ADNP2: variants seen among roughly 807,000 people sequenced by gnomAD.
ADNP2 encodes the protein ADNP homeobox 2, also known as activity-dependent neuroprotector homeobox protein 2.
ADNP2 carries 8 observed loss-of-function variants against 16.4 expected under a neutral mutation model. The ratio of observed to expected loss-of-function variants is 0.49; its 90% CI spans 0.29 to 0.88. The LOEUF (loss-of-function observed/expected upper bound fraction) is 0.88, where lower values mean the gene tolerates loss of function less well. Ranked by LOEUF, ADNP2 falls within the 40% of genes least tolerant of loss-of-function variation. The pLI, the probability that ADNP2 is intolerant of heterozygous loss-of-function variation, is 0.09. For missense variants in ADNP2, 1,397 were observed against 1,395.1 expected, an observed-to-expected ratio of 1.00 and a Z score of -0.02; for synonymous variants, 637 against 545.8, an observed-to-expected ratio of 1.17 and a Z score of -2.33.
chr18:80,135,580 A>G (rs369324351), intron 3 of ADNP2, 32 bp from the exon 4 acceptor site: 96 of 1,572,098 alleles, frequency 6.1e-5, no homozygotes, highest in Admixed American at 2.9e-4. Flanking sequence ...AGTTTATTCA[A>G]TTATGCTTAA....
rs768141262 is a variant in ADNP2 at position 80,138,557 on chromosome 18, C to T, written c.3144C>T (p.Gly1048=). Residue 1048 remains glycine (G), a synonymous_variant, in exon 4 of 4, where the codon GGC becomes GGT. Transcript: ENST00000262198. ...CATTAGATCCTAAAAAATATGAAGGCCGTTCTTATGAAGAAAAGAAGCAAT... is the reference window on the plus strand; with the variant it reads ...CATTAGATCCTAAAAAATATGAAGGTCGTTCTTATGAAGAAAAGAAGCAAT... The part of the protein sequence containing the change: ...ILALDPKKYE[G]RSYEEKKQFL... 1.9e-6 allele frequency: 3 copies of T among 1,611,650 alleles called. No homozygotes were observed. Among genetic ancestry groups the T allele is most frequent in the South Asian group, 1.1e-5 (1 of 90,266 alleles).
chr18:80,138,044 C>G lies in ADNP2; in HGVS notation c.2631C>G (p.Cys877Trp). The part of the protein sequence containing the change: ...PGSTGKRVST[C>W]PFCFGPFVTT... The stretch of plus-strand genomic sequence containing the variant: ...GCACCGGCAAGCGAGTGTCCACCTG[C>G]CCCTTTTGCTTTGGCCCCTTTGTGA... The change falls in exon 4 of 4, where the codon TGC becomes TGG. Residue 877 changes from cysteine (C) to tryptophan (W), a missense_variant. Physicochemically the swap from Cys to Trp is radical, Grantham distance 215. This residue lies in a region of ADNP2 where 611 missense variants were observed against 648.7 expected (regional missense o/e 0.94). Transcript: ENST00000262198. The G allele has an allele frequency of 6.2e-7, 1 of 1,613,794 alleles. No homozygotes were observed. The highest frequency in any genetic ancestry group is 8.5e-7 in the Non-Finnish European group (1 of 1,180,018).
intron 2 of ADNP2, among the ~76,000 whole-genome samples, chr18:80,132,601 CTCTTTCTCTTTCTCTTTCT>C (rs1214567611): frequency 6.6e-6 from 1 of 151,472 alleles, no homozygotes; most frequent in Non-Finnish European, 1.5e-5. Flanking sequence ...CCTCTCTTTT[CTCTTTCTCTTTCTCTTTCT>C]TTTTTCTCTT....
Position 80,136,195 on chromosome 18 carries a change from T to G in ADNP2, c.782T>G (p.Leu261Trp). The G allele has an allele frequency of 6.2e-7, 1 of 1,614,276 alleles. No individual in the cohort carries two copies. Among genetic ancestry groups the G allele is most frequent in the Non-Finnish European group, 8.5e-7 (1 of 1,180,048 alleles). Residue 261 changes from leucine (L) to tryptophan (W), a missense_variant, in exon 4 of 4, where the codon TTG becomes TGG. Physicochemically the swap from Leu to Trp is moderately conservative, Grantham distance 61. Transcript: ENST00000262198. ...ISEHIKRTGL[L>W]KQTHIAPKPA... The stretch of plus-strand genomic sequence containing the variant: ...GAACATATTAAGAGGACTGGACTCT[T>G]GAAGCAAACGCACATTGCTCCAAAA...
Position 80,136,853 on chromosome 18 carries a change from G to C in ADNP2, c.1440G>C (p.Gln480His), listed in dbSNP as rs773839413. ...TATSGVLPTG[Q>H]MVQSGVLPVG... ...CTTCTGGGGTTCTTCCTACTGGCCA[G>C]ATGGTCCAGTCAGGAGTTCTCCCTG... Residue 480 changes from glutamine to histidine, a missense_variant, in exon 4 of 4, where the codon CAG becomes CAC. Physicochemically the swap from Gln to His is conservative, Grantham distance 24. This residue lies in a region of ADNP2 where 777 missense variants were observed against 719.4 expected (regional missense o/e 1.08). Coordinates refer to ENST00000262198, the MANE Select transcript of ADNP2 (RefSeq NM_014913.4). The C allele has an allele frequency of 8.7e-6, 14 of 1,614,140 alleles. No homozygotes were observed. In the South Asian group the frequency reaches 1.5e-4, roughly 18 times the overall value.
At position 80,137,334 on chromosome 18, in the gene ADNP2, A is replaced by G. The variant is rs1175442264; in HGVS notation, c.1921A>G (p.Ile641Val). Residue 641 changes from isoleucine to valine, a missense_variant, in exon 4 of 4, where the codon ATC becomes GTC. Ile to Val is a conservative substitution (Grantham distance 29). Transcript: ENST00000262198. This position sits in a 1 kb window ranked among gnomAD's most constrained non-coding sequence, Gnocchi z 4.2. ...LATVAPPQMP[I>V]QLLPSGAAAP... ...GACTGTCGCTCCGCCCCAGATGCCCATCCAGCTCCTGCCGTCAGGTGCAGC... is the reference window on the plus strand; with the variant it reads ...GACTGTCGCTCCGCCCCAGATGCCCGTCCAGCTCCTGCCGTCAGGTGCAGC... The G allele has an allele frequency of 6.8e-6, 11 of 1,613,922 alleles. No homozygotes were observed. Among genetic ancestry groups the G allele is most frequent in the Non-Finnish European group, 9.3e-6 (11 of 1,179,912 alleles).
At chr18:80,123,219 G>C (rs1404353764) in intron 2 of ADNP2, among the ~76,000 whole-genome samples, 1 of 152,096 alleles carries the variant, frequency 6.6e-6, no homozygotes, top group African/African-American at 2.4e-5. Flanking sequence ...GTTGAATTTG[G>C]TTTGCTAGTA....
At position 80,137,656 on chromosome 18, in the gene ADNP2, G is replaced by C; in HGVS notation, c.2243G>C (p.Arg748Pro). Reference protein sequence around the residue: ...FLKWMREKTVRCLSCKCLVSE... With the variant: ...FLKWMREKTVPCLSCKCLVSE... ...AAGTGGATGAGAGAGAAAACGGTGC[G>C]ATGTCTGTCTTGTAAGTGCTTGGTC... is the stretch of plus-strand genomic sequence containing the variant. Residue 748 changes from arginine (R) to proline (P), a missense_variant, in exon 4 of 4, where the codon CGA (arginine) becomes CCA (proline). Physicochemically the swap from Arg to Pro is moderately radical, Grantham distance 103. Transcript: ENST00000262198. The surrounding 1 kb of genome is among the most constrained non-coding windows in gnomAD (Gnocchi z 4.2). 1 of 1,614,210 alleles carries C rather than the reference G, an allele frequency of 6.2e-7. No homozygotes were observed. Among genetic ancestry groups the C allele is most frequent in the Non-Finnish European group, 8.5e-7 (1 of 1,180,032 alleles).
intron 2 of ADNP2, among the ~76,000 whole-genome samples, chr18:80,127,845 G>A (rs1314752363): frequency 6.6e-6 from 1 of 152,146 alleles, no homozygotes; most frequent in East Asian, 1.9e-4. Context: ...CTCTCCCGGT[G>A]GACTCTGGCA....
intron 1 of ADNP2, among the ~76,000 whole-genome samples, chr18:80,112,885 T>C (rs898476729): frequency 2.6e-5 from 4 of 152,212 alleles, no homozygotes; most frequent in African/African-American, 9.7e-5. Flanking sequence ...CAGATACATA[T>C]GGATGATGGT....
chr18:80,135,714 G>T lies in ADNP2; in HGVS notation c.301G>T (p.Asp101Tyr). The change falls in exon 4 of 4, where the codon GAC becomes TAC. Residue 101 changes from aspartate (D) to tyrosine (Y), a missense_variant. Asp to Tyr is a radical substitution (Grantham distance 160). Transcript: ENST00000262198. ...HLHRYHEDEI[D>Y]QELVIPCPNC... ...ACATCGTTACCATGAAGATGAAATT[G>T]ACCAAGAGCTGGTGATCCCTTGCCC... is the stretch of plus-strand genomic sequence containing the variant. 6.2e-7 allele frequency: 1 copy of T among 1,614,180 alleles called. No individual in the cohort carries two copies. The highest frequency in any genetic ancestry group is 1.1e-5 in the South Asian group (1 of 91,058).
intron 2 of ADNP2, among the ~76,000 whole-genome samples, chr18:80,123,449 G>A (rs943679396): frequency 4.0e-5 from 6 of 151,848 alleles, no homozygotes; most frequent in African/African-American, 1.5e-4. Flanking sequence ...TTGGCTCACC[G>A]CAACCTCCGC....
chr18:80,111,908 T>TA (rs992913223), intron 1 of ADNP2, among the ~76,000 whole-genome samples: 2 of 152,154 alleles, frequency 1.3e-5, no homozygotes, highest in Non-Finnish European at 2.9e-5. Context: ...ATCATTATAC[T>TA]AAAAAATCCC....
At position 80,140,279 on chromosome 18, in the gene ADNP2, ATTTTT is replaced by A. The variant is rs36034769; in HGVS notation, c.*1478_*1482del. The A allele has an allele frequency of 6.8e-6, 1 of 147,008 alleles. No individual in the cohort carries two copies. The highest frequency in any genetic ancestry group is 1.5e-5 in the Non-Finnish European group (1 of 66,376). 9.1% of individuals were successfully genotyped at this position (147,008 alleles called of 1,614,324 possible). A position where few individuals can be genotyped will look rare whatever the true frequency, so the allele number is the denominator to read the frequency against. On this transcript the variant is annotated 3_prime_UTR_variant, in exon 4 of 4. Transcript: ENST00000262198. ...TAAATTCAAAGAGAGCTTGTTGAAC[ATTTTT>A]TTTTTTTACCTATTGTTTTCAGAGT...
intron 1 of ADNP2, among the ~76,000 whole-genome samples, chr18:80,117,121 G>T (rs1315065613): frequency 6.6e-6 from 1 of 152,120 alleles, no homozygotes; most frequent in Non-Finnish European, 1.5e-5. Flanking sequence ...ATTTTCTCCC[G>T]TTTTGTGGGT....
Position 80,113,193 on chromosome 18 carries a change from A to G in ADNP2, c.-14+3721A>G, listed in dbSNP as rs771508281. ...GCATTTTATTAAAGAAAATTTTTAA[A>G]CTTAAAATTTTATAAAGAAAATTTT... On this transcript the variant is annotated intron_variant, in intron 1 of 3. Transcript: ENST00000262198. Among the ~76,000 whole-genome samples, 9 of 152,340 alleles carry G rather than the reference A, an allele frequency of 5.9e-5. No individual in the cohort carries two copies. The East Asian group carries it at 1.2e-3, about 20-fold the overall frequency.
intron 2 of ADNP2, among the ~76,000 whole-genome samples, chr18:80,129,871 C>T (rs1476718178): frequency 6.6e-6 from 1 of 152,188 alleles, no homozygotes; most frequent in Non-Finnish European, 1.5e-5. Context: ...GTTTCTGATT[C>T]TGTCACATGT....
At chr18:80,129,263 C>T (rs1263875066) in intron 2 of ADNP2, among the ~76,000 whole-genome samples, 4 of 151,958 alleles carry the variant, frequency 2.6e-5, no homozygotes, top group Non-Finnish European at 5.9e-5. Context: ...GCCACCACGC[C>T]CAGCTAGTTT....
At chr18:80,112,565 T>C (rs1433003561) in intron 1 of ADNP2, among the ~76,000 whole-genome samples, 1 of 152,026 alleles carries the variant, frequency 6.6e-6, no homozygotes, top group East Asian at 1.9e-4. Context: ...CATTTGAGAA[T>C]AAAAAGTTCC....
Sources: allele counts gnomAD v4.1 joint callset (sites outside exome capture counted in the v4.1 genomes callset), GRCh38; gene constraint gnomAD v4.1.1; regional missense constraint gnomAD v4.1.1; non-coding constraint Gnocchi (gnomAD v3.1); transcripts MANE v1.5; gene names NCBI Gene and HGNC (gene_info 2026-07-23, HGNC 2026-07-21).